The following ZBTB46 variants were observed in gnomAD, a reference collection of about 807,000 sequenced individuals.
ZBTB46 encodes the protein zinc finger and BTB domain containing 46.
A neutral mutation model predicts 44.1 loss-of-function variants in ZBTB46; 8 were observed. The ratio of observed to expected loss-of-function variants is 0.18; its 90% CI spans 0.11 to 0.33. The LOEUF is 0.33. Among genes scored for constraint, ZBTB46 ranks in the 10% least tolerant of loss-of-function variants. The pLI, the probability that ZBTB46 is intolerant of heterozygous loss-of-function variation, is 1.00. For missense variants in ZBTB46, 651 were observed against 847.7 expected (o/e 0.77, Z 2.88); for synonymous variants, 409 against 382.3 (o/e 1.07, Z -0.81).
rs35399406 is a variant in ZBTB46, at chr20:63,776,803, C to CAA, written c.938-843_938-842dup. On this transcript the variant is annotated intron_variant, in intron 2 of 4. Transcript: ENST00000245663. The stretch of plus-strand genomic sequence containing the variant: ...TGGGCGACAGAACAACGCTCTGTCT[C>CAA]AAAAAAAAAAAAAAATTGCAACCTA... Among the ~76,000 whole-genome samples, 704 of 131,750 alleles carry CAA rather than the reference C, an allele frequency of 5.3e-3. 7 individuals are homozygous for CAA. Among genetic ancestry groups the CAA allele is most frequent in the South Asian group, 0.039 (166 of 4,208 alleles). The allele number at this position is 131,750 out of a possible 152,430, so 86.4% of individuals were successfully genotyped here.
At position 63,752,593 on chromosome 20, in the gene ZBTB46, G is replaced by A; in HGVS notation, c.1398+93C>T. 3 of 1,367,644 alleles carry A rather than the reference G, an allele frequency of 2.2e-6. No individual in the cohort carries two copies. The highest frequency in any genetic ancestry group is 1.9e-6 in the Non-Finnish European group (2 of 1,050,030). 84.7% of individuals were successfully genotyped at this position (1,367,644 alleles called of 1,614,324 possible). On this transcript the variant is annotated intron_variant, in intron 4 of 4. Coordinates refer to ENST00000245663, the MANE Select transcript of ZBTB46 (RefSeq NM_001369741.1). This position sits in a 1 kb window ranked among gnomAD's most constrained non-coding sequence, Gnocchi z 5.6. ...CCTGTGCAGAGTGGACCCGGTGTGG[G>A]GTCCGGGGCGGTCTGCGCCCTCATC...
At chr20:63,757,615 A>C (rs953474268) in intron 3 of ZBTB46, among the ~76,000 whole-genome samples, 7 of 152,174 alleles carry the variant, frequency 4.6e-5, no homozygotes, top group African/African-American at 1.7e-4. Context: ...TGCATCTGTC[A>C]GTCCTCCAGC....
intron 2 of ZBTB46, among the ~76,000 whole-genome samples, chr20:63,781,473 C>T (rs2092469601): frequency 6.6e-6 from 1 of 152,204 alleles, no homozygotes; most frequent in South Asian, 2.1e-4. Context: ...TGGCATCATC[C>T]GCCATCAAAG....
chr20:63,800,842 G>A (rs1482941308), intron 1 of ZBTB46, among the ~76,000 whole-genome samples: 1 of 152,222 alleles, frequency 6.6e-6, no homozygotes, highest in East Asian at 1.9e-4. Context: ...GGCTCCTGCA[G>A]AGCTTCCCTG....
chr20:63,767,572 G>A lies in ZBTB46; in HGVS notation c.1222+8106C>T, dbSNP rs1021557089. ...GCCTGGGCAGCTGCACCCAGCTGGA[G>A]CCCGGGACCCGGACGCCAAAGCTCT... On this transcript the variant is annotated intron_variant, in intron 3 of 4. Coordinates refer to ENST00000245663, the MANE Select transcript of ZBTB46 (RefSeq NM_001369741.1). This position sits in a 1 kb window ranked among gnomAD's most constrained non-coding sequence, Gnocchi z 5.0. Among the ~76,000 whole-genome samples the A allele has an allele frequency of 6.6e-6, 1 of 152,214 alleles. No homozygotes were observed. Among genetic ancestry groups the A allele is most frequent in the African/African-American group, 2.4e-5 (1 of 41,454 alleles).
chr20:63,791,016 C>T (rs1254359588), intron 1 of ZBTB46: 4 of 497,440 alleles, frequency 8.0e-6, no homozygotes, highest in Admixed American at 7.3e-5. Flanking sequence ...ACGTCTGCCA[C>T]GTGTTTCCGT....
chr20:63,795,441 A>AG (rs1242258572), intron 1 of ZBTB46, among the ~76,000 whole-genome samples: 1 of 152,196 alleles, frequency 6.6e-6, no homozygotes, highest in Non-Finnish European at 1.5e-5. Context: ...GCAGGCAGTG[A>AG]GGGGGGCTGC....
intron 1 of ZBTB46, among the ~76,000 whole-genome samples, chr20:63,802,757 T>G (rs1601505458): frequency 8.6e-6 from 1 of 116,936 alleles, no homozygotes; most frequent in Non-Finnish European, 1.7e-5. Context: ...CAACCGAACC[T>G]CAGGCCCCCA....
chr20:63,799,393 C>A (rs1322223599), intron 1 of ZBTB46, among the ~76,000 whole-genome samples: 1 of 150,652 alleles, frequency 6.6e-6, no homozygotes, highest in Admixed American at 6.6e-5. Context: ...GTCGCCCAGG[C>A]TAGAGTGCAG....
At chr20:63,758,442 G>A (rs1307259468) in intron 3 of ZBTB46, among the ~76,000 whole-genome samples, 6 of 151,832 alleles carry the variant, frequency 4.0e-5, no homozygotes, top group Admixed American at 3.9e-4. Flanking sequence ...ACTGACCCTG[G>A]TGCTTCCCCA....
chr20:63,783,762 C>T (rs2092489995), intron 2 of ZBTB46, among the ~76,000 whole-genome samples: 1 of 152,184 alleles, frequency 6.6e-6, no homozygotes, highest in Admixed American at 6.5e-5. Context: ...CTTCCCACCC[C>T]ACTACTGACC....
At position 63,803,333 on chromosome 20, in the gene ZBTB46, T is replaced by A. The variant is rs990923624; in HGVS notation, c.-33-12543A>T. ...CAAATTAAATTTCATATACATCATA[T>A]TACCATTGTTCGTGGTCGCATTTCA... On this transcript the variant is annotated intron_variant, in intron 1 of 4. Transcript: ENST00000245663. This position sits in a 1 kb window ranked among gnomAD's most constrained non-coding sequence, Gnocchi z 4.0. 5 of 985,358 alleles carry A rather than the reference T, an allele frequency of 5.1e-6. No individual in the cohort carries two copies. Among genetic ancestry groups the A allele is most frequent in the Non-Finnish European group, 6.0e-6 (5 of 829,938 alleles). The allele number at this position is 985,358 out of a possible 1,614,324, so 61.0% of individuals were successfully genotyped here.
chr20:63,811,897 C>G (rs1014973076), intron 1 of ZBTB46, among the ~76,000 whole-genome samples: 2 of 152,168 alleles, frequency 1.3e-5, no homozygotes, highest in Non-Finnish European at 2.9e-5. Flanking sequence ...CCAGGTCTGG[C>G]TCATACATCG....
chr20:63,780,396 A>T (rs974400091), intron 2 of ZBTB46, among the ~76,000 whole-genome samples: 1 of 152,194 alleles, frequency 6.6e-6, no homozygotes, highest in Non-Finnish European at 1.5e-5. Context: ...TTATAATCCT[A>T]TGTAAAAAGT....
intron 1 of ZBTB46, chr20:63,814,789 T>A (rs1016577853): frequency 6.6e-6 from 1 of 152,534 alleles, no homozygotes; most frequent in Non-Finnish European, 1.5e-5. Flanking sequence ...CACAATGCTA[T>A]GTGCTAAATT....
Position 63,752,760 on chromosome 20 carries a change from C to T in ZBTB46, c.1324G>A (p.Gly442Arg). The T allele has an allele frequency of 6.2e-7, 1 of 1,612,748 alleles. No individual in the cohort carries two copies. The highest frequency in any genetic ancestry group is 8.5e-7 in the Non-Finnish European group (1 of 1,179,584). Residue 442 changes from glycine to arginine, a missense_variant, in exon 4 of 5, where the codon GGA (glycine) becomes AGA (arginine). Coordinates refer to ENST00000245663, the MANE Select transcript of ZBTB46 (RefSeq NM_001369741.1). This position sits in a 1 kb window ranked among gnomAD's most constrained non-coding sequence, Gnocchi z 5.6. ...ILKRHMRSHT[G>R]ERPYPCEICG... ...ATCTCGCAGGGGTAGGGCCGCTCTC[C>T]CGTGTGCGAGCGCATGTGTCGCTTG... is the stretch of plus-strand genomic sequence containing the variant.
chr20:63,767,892 G>A lies in ZBTB46; in HGVS notation c.1222+7786C>T. On this transcript the variant is annotated intron_variant, in intron 3 of 4. Coordinates refer to ENST00000245663, the MANE Select transcript of ZBTB46 (RefSeq NM_001369741.1). The surrounding 1 kb of genome is among the most constrained non-coding windows in gnomAD (Gnocchi z 5.0). Reference sequence around the variant, plus strand: ...CCTCAGGCATCCTGGACAGGCCACAGGCCCTGCAGAAACCCACCCTCATGC... The same window carrying A: ...CCTCAGGCATCCTGGACAGGCCACAAGCCCTGCAGAAACCCACCCTCATGC... 5.1e-6 allele frequency: 5 copies of A among 985,448 alleles called. No homozygotes were observed. The South Asian group carries it at 1.9e-4, about 37-fold the overall frequency. The allele number at this position is 985,448 out of a possible 1,614,324, so 61.0% of individuals were successfully genotyped here.
intron 3 of ZBTB46, among the ~76,000 whole-genome samples, chr20:63,773,857 G>A (rs1441391322): frequency 1.3e-5 from 2 of 152,090 alleles, no homozygotes; most frequent in African/African-American, 2.4e-5. Context: ...CCCTGCCACC[G>A]CCTCCTGGAA....
intron 1 of ZBTB46, among the ~76,000 whole-genome samples, chr20:63,813,597 G>A (rs2092730413): frequency 6.6e-6 from 1 of 152,182 alleles, no homozygotes. Flanking sequence ...TCTACTGACG[G>A]CTCAGGCAGG....
Sources: gnomAD v4.1 joint callset for allele counts (sites outside exome capture counted in the v4.1 genomes callset) on GRCh38, gnomAD v4.1.1 for gene constraint, Gnocchi (gnomAD v3.1) non-coding constraint, MANE v1.5 for transcripts, NCBI Gene and HGNC (gene_info 2026-07-23, HGNC 2026-07-21) for gene names.